The following FOXJ3 variants were observed in gnomAD, a reference collection of about 807,000 sequenced individuals.
FOXJ3 encodes the protein forkhead box protein J3.
A neutral mutation model predicts 76.1 loss-of-function variants in FOXJ3; 22 were observed. The ratio of observed to expected loss-of-function variants is 0.29; its 90% confidence interval spans 0.21 to 0.41. The LOEUF (loss-of-function observed/expected upper bound fraction) is 0.41, where lower values mean the gene tolerates loss of function less well. Among genes scored for constraint, FOXJ3 ranks in the 10% least tolerant of loss-of-function variants. The probability of loss-of-function intolerance (pLI) is 1.00; values close to 1 mark genes in which losing one functional copy is unlikely to be tolerated. For synonymous variants in FOXJ3, 269 were observed against 261.2 expected (o/e 1.03, Z -0.29); for missense variants, 613 against 762.1 (o/e 0.80, Z 2.30).
chr1:42,303,366 TAGTA>T (rs1270934857), intron 2 of FOXJ3, among the ~76,000 whole-genome samples: 1 of 152,222 alleles, frequency 6.6e-6, no homozygotes, highest in African/African-American at 2.4e-5. Context: ...CCTGGTCTAA[TAGTA>T]AGAAGAGAGA....
chr1:42,265,050 TC>T, intron 4 of FOXJ3, 64 bp downstream of exon 4: 1 of 1,015,426 alleles, frequency 9.8e-7, no homozygotes, highest in Non-Finnish European at 1.6e-6. Flanking sequence ...CTGGAAAAGT[TC>T]TTAATTCAAA....
chr1:42,191,402 G>A lies in FOXJ3; in HGVS notation c.1252C>T (p.Pro418Ser), dbSNP rs1488939939. Residue 418 changes from proline to serine, a missense_variant, in exon 9 of 13, where the codon CCC becomes TCC. This residue lies in a region of FOXJ3 where 526 missense variants were observed against 601.4 expected (regional missense o/e 0.87). Transcript: ENST00000361346. ...TGCTGTATGTGTTGATGTGGAGAGG[G>A]ATGCTGGGGGTGAGGGGACTGGAGC... Reference protein sequence around the residue: ...SQLQSPHPQHPSPHQHIQHHP... With the variant: ...SQLQSPHPQHSSPHQHIQHHP... 1 of 1,608,796 alleles carries A rather than the reference G, an allele frequency of 6.2e-7. No homozygotes were observed.
At chr1:42,196,499 C>A (rs1426537812) in intron 7 of FOXJ3, among the ~76,000 whole-genome samples, 2 of 152,140 alleles carry the variant, frequency 1.3e-5, no homozygotes, top group Non-Finnish European at 2.9e-5. Context: ...TCGAGACCAG[C>A]CTGGCCAACA....
Position 42,297,775 on chromosome 1 carries a change from T to C in FOXJ3, c.44+13275A>G, listed in dbSNP as rs140994333. 2.8e-3 allele frequency among the ~76,000 whole-genome samples: 425 copies of C among 152,316 alleles called. 2 individuals carry two copies. Among genetic ancestry groups the C allele is most frequent in the African/African-American group, 9.9e-3 (413 of 41,570 alleles). ...TGGTGTCCTCACCTGACTTTGATAC[T>C]GGTGTCCTCACCTGACTTTGATACT... On this transcript the variant is annotated intron_variant, in intron 2 of 12. Transcript: ENST00000361346.
intron 4 of FOXJ3, among the ~76,000 whole-genome samples, chr1:42,243,909 A>G (rs1194362358): frequency 6.6e-6 from 1 of 152,226 alleles, no homozygotes; most frequent in Non-Finnish European, 1.5e-5. Context: ...CCCAGGATAG[A>G]CCATTTGTGA....
intron 6 of FOXJ3, among the ~76,000 whole-genome samples, chr1:42,200,649 T>C (rs978355401): frequency 5.9e-5 from 9 of 152,072 alleles, no homozygotes; most frequent in Admixed American, 1.3e-4. Context: ...TGGCTAATTG[T>C]TGTTATTTTT....
chr1:42,215,838 G>A (rs1012440691), intron 5 of FOXJ3, among the ~76,000 whole-genome samples: 6 of 152,188 alleles, frequency 3.9e-5, no homozygotes, highest in South Asian at 4.2e-4. Flanking sequence ...AATCCAGACT[G>A]TATATCTAAT....
In FOXJ3 at chr1:42,202,514, AAAG is replaced by A. The variant is rs1476422426; in HGVS notation, c.630+3245_630+3247del. On this transcript the variant is annotated intron_variant, in intron 6 of 12. Coordinates refer to ENST00000361346, the MANE Select transcript of FOXJ3 (RefSeq NM_014947.5). ...GCAATCCGGATCTATGCAAAGGAAT[AAAG>A]AATAGCAGAAATGGTTAACTATGTG... 3.9e-5 allele frequency among the ~76,000 whole-genome samples: 6 copies of A among 152,354 alleles called. No homozygotes were observed. The East Asian group carries it at 1.2e-3, about 29-fold the overall frequency.
chr1:42,268,902 C>A (rs1042228263), intron 3 of FOXJ3, among the ~76,000 whole-genome samples: 5 of 151,966 alleles, frequency 3.3e-5, no homozygotes, highest in African/African-American at 9.7e-5. Flanking sequence ...ATAAAAGAGG[C>A]CTCAGAGAAT....
intron 2 of FOXJ3, among the ~76,000 whole-genome samples, chr1:42,284,064 A>C (rs1194816661): frequency 6.6e-6 from 1 of 152,184 alleles, no homozygotes; most frequent in Non-Finnish European, 1.5e-5. Context: ...TAGATTGTGA[A>C]GCTGCCATCC....
chr1:42,327,556 C>T lies in FOXJ3; in HGVS notation c.-18+7503G>A, dbSNP rs572053215. Among the ~76,000 whole-genome samples the T allele has an allele frequency of 7.2e-5, 11 of 152,284 alleles. No homozygotes were observed. In the South Asian group the frequency reaches 1.9e-3, roughly 26 times the overall value. The stretch of plus-strand genomic sequence containing the variant: ...ATATTGAATCCCCTCTCTCTGTAAG[C>T]AAACAAAATTTGCAACAGTTAGTAA... On this transcript the variant is annotated intron_variant, in intron 1 of 12. Transcript: ENST00000361346.
chr1:42,200,005 C>CA (rs11355641), intron 6 of FOXJ3, among the ~76,000 whole-genome samples: 30,522 of 76,012 alleles, frequency 0.4, 6,127 homozygotes, highest in Non-Finnish European at 0.46. Flanking sequence ...GACTCTGTCT[C>CA]AAAAAAAAAA....
At chr1:42,252,111 T>C (rs1650137408) in intron 4 of FOXJ3, among the ~76,000 whole-genome samples, 1 of 152,176 alleles carries the variant, frequency 6.6e-6, no homozygotes, top group Non-Finnish European at 1.5e-5. Flanking sequence ...CTGCCCGGCT[T>C]TGGTATCAGG....
chr1:42,187,692 C>G (rs925519926), intron 11 of FOXJ3, among the ~76,000 whole-genome samples: 1 of 151,898 alleles, frequency 6.6e-6, no homozygotes, highest in Non-Finnish European at 1.5e-5. Flanking sequence ...GAGAGAGAGA[C>G]AAAGAAGCTA....
At chr1:42,328,328 G>A (rs79725248) in intron 1 of FOXJ3, among the ~76,000 whole-genome samples, 1 of 152,208 alleles carries the variant, frequency 6.6e-6, no homozygotes, top group Non-Finnish European at 1.5e-5. Flanking sequence ...CAAAGACCCA[G>A]TCATCTTCAA....
At chr1:42,201,098 A>G (rs1251359963) in intron 6 of FOXJ3, among the ~76,000 whole-genome samples, 1 of 33,778 alleles carries the variant, frequency 3.0e-5, no homozygotes, top group Non-Finnish European at 7.6e-5. Flanking sequence ...CAAGGCAGAA[A>G]TAAAATTGAT....
intron 1 of FOXJ3, among the ~76,000 whole-genome samples, chr1:42,327,019 A>C (rs1655875806): frequency 6.6e-6 from 1 of 152,168 alleles, no homozygotes. Context: ...CTATTAACAC[A>C]TATCACTATT....
chr1:42,183,308 T>C (rs1441149817), intron 11 of FOXJ3, among the ~76,000 whole-genome samples: 56 of 3,826 alleles, frequency 0.015, no homozygotes, highest in African/African-American at 0.054. Flanking sequence ...CGGGGCGGGG[T>C]GGGGGAGGGG....
intron 2 of FOXJ3, among the ~76,000 whole-genome samples, chr1:42,298,462 A>G (rs1287581304): frequency 6.6e-6 from 1 of 152,178 alleles, no homozygotes; most frequent in East Asian, 1.9e-4. Flanking sequence ...GAGCACAGAA[A>G]TGTTCACAGC....
Sources: gnomAD v4.1 joint callset for allele counts (sites outside exome capture counted in the v4.1 genomes callset) on GRCh38, gnomAD v4.1.1 for gene constraint, gnomAD v4.1.1 regional missense constraint, MANE v1.5 for transcripts, NCBI Gene and HGNC (gene_info 2026-07-23, HGNC 2026-07-21) for gene names.